The following SLIT1 variants were observed in gnomAD, a reference collection of about 807,000 sequenced individuals.
The protein encoded by SLIT1 is slit guidance ligand 1, also known as slit homolog 1 protein.
SLIT1 carries 66 observed loss-of-function variants against 186.1 expected under a neutral mutation model. The ratio of observed to expected loss-of-function variants is 0.35; its 90% CI spans 0.29 to 0.44. SLIT1 has a LOEUF of 0.44. SLIT1 is among the 20% of genes least tolerant of loss of function. The probability of loss-of-function intolerance (pLI) is 1.00; values close to 1 mark genes in which losing one functional copy is unlikely to be tolerated. For missense variants in SLIT1, 1,638 were observed against 2,037.4 expected, an observed-to-expected ratio of 0.80 and a Z score of 3.77; for synonymous variants, 761 against 833.8, an observed-to-expected ratio of 0.91 and a Z score of 1.50.
Position 97,002,240 on chromosome 10 carries a change from C to T in SLIT1, c.4284G>A (p.Leu1428=). The change falls in exon 36 of 37, where the codon CTG becomes CTA. Residue 1428 remains leucine (L), a synonymous_variant. Transcript: ENST00000266058. ...LAEPCRGLQC[L]HGHCQASGTK... is the part of the protein sequence containing the mutation. Reference sequence around the variant, plus strand: ...TGCCTGAGGCCTGGCAGTGGCCATGCAGGCACTGCAGGCCTCTGCAGGGCT... The same window carrying T: ...TGCCTGAGGCCTGGCAGTGGCCATGTAGGCACTGCAGGCCTCTGCAGGGCT... 1.3e-6 allele frequency: 2 copies of T among 1,593,930 alleles called. No individual in the cohort carries two copies.
At chr10:97,028,115 T>C (rs1848562023) in intron 25 of SLIT1, among the ~76,000 whole-genome samples, 1 of 152,086 alleles carries the variant, frequency 6.6e-6, no homozygotes, top group African/African-American at 2.4e-5. Flanking sequence ...TCTTCAGAGT[T>C]CCTAAAGACA....
At chr10:97,159,291 A>G (rs1056041403) in intron 3 of SLIT1, among the ~76,000 whole-genome samples, 1 of 152,190 alleles carries the variant, frequency 6.6e-6, no homozygotes, top group African/African-American at 2.4e-5. Context: ...CATGTTCCCC[A>G]AGGTACAGAC....
At chr10:97,141,741 C>T (rs113784245) in intron 4 of SLIT1, among the ~76,000 whole-genome samples, 15 of 128,604 alleles carry the variant, frequency 1.2e-4, no homozygotes, top group South Asian at 2.5e-4. Context: ...TGTATTGTAT[C>T]GTATCGTATC....
At chr10:97,151,531 G>T (rs1308644825) in intron 4 of SLIT1, among the ~76,000 whole-genome samples, 1 of 151,680 alleles carries the variant, frequency 6.6e-6, no homozygotes, top group Middle Eastern at 3.2e-3. Flanking sequence ...TGGGAAGGTA[G>T]ATGGGAGGTG....
At position 97,043,393 on chromosome 10, in the gene SLIT1, G is replaced by A; in HGVS notation, c.1974C>T (p.Asp658=). The A allele has an allele frequency of 6.2e-7, 1 of 1,613,756 alleles. No individual in the cohort carries two copies. The highest frequency in any genetic ancestry group is 1.3e-5 in the African/African-American group (1 of 75,044). ...ACAGTGTGGAGAGGGACTGGAGGGT[G>A]TCGAAGGCTCCTGGGGATACGGTGG... ...QITTVSPGAF[D]TLQSLSTLNL... is the part of the protein sequence containing the mutation. The change falls in exon 19 of 37, where the codon GAC becomes GAT. Residue 658 remains aspartate (D), a synonymous_variant. Coordinates refer to ENST00000266058, the MANE Select transcript of SLIT1 (RefSeq NM_003061.3). This position sits in a 1 kb window ranked among gnomAD's most constrained non-coding sequence, Gnocchi z 7.0.
At chr10:97,146,422 G>A (rs767113918) in intron 4 of SLIT1, among the ~76,000 whole-genome samples, 106 of 152,032 alleles carry the variant, frequency 7.0e-4, no homozygotes, top group Non-Finnish European at 1.2e-3. Context: ...ACTCATGCCC[G>A]TCTCTACCCA....
At chr10:97,116,998 C>T (rs973934398) in intron 4 of SLIT1, among the ~76,000 whole-genome samples, 1 of 152,192 alleles carries the variant, frequency 6.6e-6, no homozygotes, top group Admixed American at 6.5e-5. Context: ...TGGCTTGGAA[C>T]TTGGTCCACA....
intron 4 of SLIT1, among the ~76,000 whole-genome samples, chr10:97,110,604 T>C (rs903546495): frequency 4.6e-5 from 7 of 152,160 alleles, no homozygotes; most frequent in African/African-American, 1.2e-4. Context: ...TATGAAAAAG[T>C]TAGAGAATAA....
chr10:97,183,900 C>T (rs1444536351), intron 1 of SLIT1, among the ~76,000 whole-genome samples: 1 of 151,976 alleles, frequency 6.6e-6, no homozygotes, highest in Non-Finnish European at 1.5e-5. Context: ...TTCTGACCCT[C>T]AGATCCTCTC....
intron 35 of SLIT1, 110 bp from the exon 36 acceptor site, chr10:97,002,479 T>C (rs1481858594): frequency 2.7e-6 from 2 of 747,820 alleles, no homozygotes; most frequent in African/African-American, 2.0e-5. Flanking sequence ...ACTTCACAGG[T>C]CTTTAATCTG....
rs1483724457 is a variant in SLIT1 at position 97,118,379 on chromosome 10, C to G, written c.413+39439G>C. On this transcript the variant is annotated intron_variant, in intron 4 of 36. Transcript: ENST00000266058. ...TCCTCCACTTCTTGGCGCAGCAGGA[C>G]TTGGGGCACTGACCTAGCCATGGAG... is the stretch of plus-strand genomic sequence containing the variant. 2.6e-5 allele frequency among the ~76,000 whole-genome samples: 4 copies of G among 152,186 alleles called. No individual in the cohort carries two copies. In the East Asian group the frequency reaches 7.7e-4, roughly 29 times the overall value.
chr10:97,029,750 C>G (rs1848575558), intron 25 of SLIT1, among the ~76,000 whole-genome samples: 1 of 152,184 alleles, frequency 6.6e-6, no homozygotes, highest in Non-Finnish European at 1.5e-5. Context: ...TTTCATCACC[C>G]CAAAAGAACT....
intron 4 of SLIT1, among the ~76,000 whole-genome samples, chr10:97,110,911 A>C (rs935975430): frequency 1.3e-5 from 2 of 152,236 alleles, no homozygotes; most frequent in Non-Finnish European, 2.9e-5. Flanking sequence ...TTATTTTCAA[A>C]AAGAGGGTTG....
rs553344490 is a variant in SLIT1, at chr10:97,170,908, C to T, written c.198-6018G>A. ...AAGAATAAACTCCCTGGGCTCCTCTCGGGCTGTTCTGGGGGCTCCTGGCAC... is the reference window on the plus strand; with the variant it reads ...AAGAATAAACTCCCTGGGCTCCTCTTGGGCTGTTCTGGGGGCTCCTGGCAC... On this transcript the variant is annotated intron_variant, in intron 1 of 36. Coordinates refer to ENST00000266058, the MANE Select transcript of SLIT1 (RefSeq NM_003061.3). Among the ~76,000 whole-genome samples, 6 of 152,202 alleles carry T rather than the reference C, an allele frequency of 3.9e-5. No individual in the cohort carries two copies. The South Asian group carries it at 6.2e-4, about 16-fold the overall frequency.
At chr10:97,012,536 G>T (rs1410443221) in intron 30 of SLIT1, among the ~76,000 whole-genome samples, 1 of 152,228 alleles carries the variant, frequency 6.6e-6, no homozygotes, top group Non-Finnish European at 1.5e-5. Flanking sequence ...TGATTGAGGG[G>T]CTGTGCTAGC....
chr10:97,143,539 T>TGAATGTGAACATATTTAACAC (rs1849786352), intron 4 of SLIT1, among the ~76,000 whole-genome samples: 1 of 152,210 alleles, frequency 6.6e-6, no homozygotes, highest in East Asian at 1.9e-4. Context: ...CTGTTTAACA[T>TGAATGTGAACATATTTAACAC]GAATGTGAAC....
At chr10:97,016,031 A>T (rs547985733) in intron 28 of SLIT1, among the ~76,000 whole-genome samples, 4 of 152,250 alleles carry the variant, frequency 2.6e-5, no homozygotes, top group Non-Finnish European at 5.9e-5. Context: ...CCAATTGGCC[A>T]CGTGGGGTGG....
At chr10:97,171,493 A>G (rs149823793) in intron 1 of SLIT1, among the ~76,000 whole-genome samples, 2 of 152,286 alleles carry the variant, frequency 1.3e-5, no homozygotes, top group East Asian at 1.9e-4. Flanking sequence ...AAAGCCTTCA[A>G]TGGATTTCCA....
At chr10:97,037,048 T>TG (rs1231769870) in intron 22 of SLIT1, among the ~76,000 whole-genome samples, 2 of 116,944 alleles carry the variant, frequency 1.7e-5, no homozygotes, top group South Asian at 3.2e-4. Context: ...ATAACCCCCT[T>TG]TGTGTGTGTG....
Sources: gnomAD v4.1 joint callset for allele counts (sites outside exome capture counted in the v4.1 genomes callset) on GRCh38, gnomAD v4.1.1 for gene constraint, Gnocchi (gnomAD v3.1) non-coding constraint, MANE v1.5 for transcripts, NCBI Gene and HGNC (gene_info 2026-07-23, HGNC 2026-07-21) for gene names.